Variants in RSL1D1 observed in about 807,000 individuals in gnomAD.
RSL1D1 encodes the protein ribosomal L1 domain containing 1, also known as ribosomal L1 domain-containing protein 1.
RSL1D1 carries 34 observed loss-of-function variants against 44.6 expected under a neutral mutation model. The ratio of observed to expected loss-of-function variants is 0.76; its 90% confidence interval spans 0.58 to 1.02. The LOEUF is 1.02. Among genes scored for constraint, RSL1D1 ranks in the 50% least tolerant of loss-of-function variants. The pLI is 0.00. For synonymous variants in RSL1D1, 271 were observed against 207.4 expected (o/e 1.31, Z -2.63); for missense variants, 767 against 568.1 (o/e 1.35, Z -3.56).
At chr16:11,841,480 T>C (rs1180252032) in intron 7 of RSL1D1, 2 of 454,702 alleles carry the variant, frequency 4.4e-6, no homozygotes, top group African/African-American at 2.0e-5. Context: ...AAATACAAGA[T>C]ATTTCTATCT....
chr16:11,845,579 A>C (rs2053791651), intron 5 of RSL1D1, among the ~76,000 whole-genome samples: 1 of 152,240 alleles, frequency 6.6e-6, no homozygotes, highest in Admixed American at 6.5e-5. Context: ...TTAACTAAAA[A>C]TTCAGCTTCT....
At chr16:11,840,079 A>G in intron 7 of RSL1D1, 94 bp from the exon 8 acceptor site, 1 of 1,525,630 alleles carries the variant, frequency 6.6e-7, no homozygotes, top group Non-Finnish European at 8.7e-7. Flanking sequence ...GATTATCCAT[A>G]AGCCCCTAAA....
rs745559166 is a variant in RSL1D1 at position 11,850,389 on chromosome 16, C to T, written c.135G>A (p.Thr45=). ...QVRKAVDALL[T]HCKSRKNNYG... ...AATTGTTTTTCCTGGACTTGCAATG[C>T]GTCAAGAGAGCGTCCACTGCCTTTC... The change falls in exon 2 of 9, where the codon ACG becomes ACA. Residue 45 remains threonine (T), a synonymous_variant. Transcript: ENST00000571133. 2.1e-5 allele frequency: 33 copies of T among 1,598,094 alleles called. No individual in the cohort carries two copies. The highest frequency in any genetic ancestry group is 9.5e-5 in the African/African-American group (7 of 73,892).
chr16:11,850,832 G>T (rs1362684071), intron 1 of RSL1D1, among the ~76,000 whole-genome samples: 1 of 152,182 alleles, frequency 6.6e-6, no homozygotes, highest in Non-Finnish European at 1.5e-5. Context: ...TGAGATTACA[G>T]GCGCCCGCCA....
At chr16:11,846,217 CCT>C (rs2053796665) in intron 5 of RSL1D1, among the ~76,000 whole-genome samples, 1 of 150,874 alleles carries the variant, frequency 6.6e-6, no homozygotes, top group Non-Finnish European at 1.5e-5. Context: ...TCGGTGAAAC[CCT>C]GTCTCTACTA....
chr16:11,846,190 A>C (rs1043440547), intron 5 of RSL1D1, among the ~76,000 whole-genome samples: 12 of 151,592 alleles, frequency 7.9e-5, no homozygotes, highest in Non-Finnish European at 1.6e-4. Flanking sequence ...CAGGAGATCG[A>C]GATCATCCTG....
intron 3 of RSL1D1, among the ~76,000 whole-genome samples, 175 bp from the exon 4 acceptor site, chr16:11,847,018 A>ACTACATG (rs2053804000): frequency 6.6e-6 from 1 of 152,196 alleles, no homozygotes. Flanking sequence ...TGCTGGGAAC[A>ACTACATG]CTGAGACAAA....
At chr16:11,843,776 C>CTT (rs2053779428) in intron 5 of RSL1D1, among the ~76,000 whole-genome samples, 2 of 135,038 alleles carry the variant, frequency 1.5e-5, no homozygotes, top group Non-Finnish European at 3.0e-5. Flanking sequence ...GAGGCTGAGG[C>CTT]AGAAGAATGG....
At position 11,846,793 on chromosome 16, in the gene RSL1D1, C is replaced by T. The variant is rs766950314; in HGVS notation, c.435G>A (p.Lys145=). 1.0e-4 allele frequency: 166 copies of T among 1,613,060 alleles called. No homozygotes were observed. The highest frequency in any genetic ancestry group is 1.0e-4 in the Non-Finnish European group (123 of 1,179,298). The change falls in exon 4 of 9, where the codon AAG becomes AAA. Residue 145 remains lysine (K), a synonymous_variant. Coordinates refer to ENST00000571133, the MANE Select transcript of RSL1D1 (RefSeq NM_015659.3). ...AATCAAAACTGCTCAGAAGGCGGAG[C>T]TTGGCTTCATAGGATTTATATTCCT... is the stretch of plus-strand genomic sequence containing the variant. ...LKKEYKSYEA[K]LRLLSSFDFF... is the part of the protein sequence containing the mutation.
At chr16:11,843,417 G>A (rs373432617) in intron 5 of RSL1D1, among the ~76,000 whole-genome samples, 2 of 152,004 alleles carry the variant, frequency 1.3e-5, no homozygotes, top group South Asian at 2.1e-4. Context: ...GAGGTTAGGC[G>A]CATTGGGAGG....
intron 5 of RSL1D1, 23 bp from the exon 6 acceptor site, chr16:11,842,023 AC>A: frequency 6.5e-7 from 1 of 1,539,242 alleles, no homozygotes; most frequent in Non-Finnish European, 8.9e-7. Context: ...ATAGTATTAG[AC>A]AAGATTTTAA....
Position 11,850,391 on chromosome 16 carries a change from T to C in RSL1D1, c.133A>G (p.Thr45Ala). Residue 45 changes from threonine (T) to alanine (A), a missense_variant, in exon 2 of 9, where the codon ACG becomes GCG. Transcript: ENST00000571133. ...TTGTTTTTCCTGGACTTGCAATGCG[T>C]CAAGAGAGCGTCCACTGCCTTTCTA... is the stretch of plus-strand genomic sequence containing the variant. ...QVRKAVDALL[T>A]HCKSRKNNYG... The C allele has an allele frequency of 1.3e-6, 2 of 1,598,896 alleles. No individual in the cohort carries two copies. Among genetic ancestry groups the C allele is most frequent in the Non-Finnish European group, 1.7e-6 (2 of 1,176,396 alleles).
intron 8 of RSL1D1, among the ~76,000 whole-genome samples, chr16:11,838,430 T>C (rs938000908): frequency 9.9e-5 from 15 of 152,170 alleles, no homozygotes; most frequent in African/African-American, 3.6e-4. Context: ...CCCAAAGTGC[T>C]AGGATTACAG....
At chr16:11,845,893 CT>C (rs2053794172) in intron 5 of RSL1D1, among the ~76,000 whole-genome samples, 5 of 151,586 alleles carry the variant, frequency 3.3e-5, no homozygotes, top group African/African-American at 1.2e-4. Flanking sequence ...GACTAATGTT[CT>C]TGATTTTTCT....
Position 11,841,963 on chromosome 16 carries a change from G to C in RSL1D1, c.673C>G (p.His225Asp). The C allele has an allele frequency of 2.5e-6, 4 of 1,613,828 alleles. No individual in the cohort carries two copies. Among genetic ancestry groups the C allele is most frequent in the Non-Finnish European group, 3.4e-6 (4 of 1,179,914 alleles). The change falls in exon 6 of 9, where the codon CAC becomes GAC. Residue 225 changes from histidine (H) to aspartate (D), a missense_variant. Physicochemically the swap from His to Asp is moderately conservative, Grantham distance 81. Coordinates refer to ENST00000571133, the MANE Select transcript of RSL1D1 (RefSeq NM_015659.3). ...RIGHVGMQIE[H>D]IIENIVAVTK... is the part of the protein sequence containing the mutation. The stretch of plus-strand genomic sequence containing the variant: ...ACAGCAACAATGTTTTCAATGATGT[G>C]CTCAATTTGCATTCCAACGTGACCA...
Position 11,836,718 on chromosome 16 carries a change from T to A in RSL1D1, c.*1069A>T, listed in dbSNP as rs2053722620. 6.6e-6 allele frequency: 1 copy of A among 152,218 alleles called. No individual in the cohort carries two copies. The highest frequency in any genetic ancestry group is 2.4e-5 in the African/African-American group (1 of 41,460). 9.4% of individuals were successfully genotyped at this position (152,218 alleles called of 1,614,324 possible). A position where few individuals can be genotyped will look rare whatever the true frequency, so the allele number is the denominator to read the frequency against. ...ATGTTAATTTCCCTTCCCATATGGA[T>A]GCTAATCCAGTGACTCATAAGCTTA... On this transcript the variant is annotated 3_prime_UTR_variant, in exon 9 of 9. Transcript: ENST00000571133.
At chr16:11,850,169 T>C (rs1158579817) in intron 2 of RSL1D1, 110 bp downstream of exon 2, 13 of 1,101,418 alleles carry the variant, frequency 1.2e-5, no homozygotes, top group Non-Finnish European at 1.5e-5. Flanking sequence ...TCACGTCAGA[T>C]TTTTATTATA....
At chr16:11,844,249 G>T (rs1488032649) in intron 5 of RSL1D1, among the ~76,000 whole-genome samples, 1 of 152,168 alleles carries the variant, frequency 6.6e-6, no homozygotes, top group African/African-American at 2.4e-5. Context: ...TTCTTTTGCT[G>T]GGGAAAGGTA....
intron 3 of RSL1D1, 52 bp from the exon 4 acceptor site, chr16:11,846,895 A>C: frequency 2.0e-6 from 3 of 1,481,882 alleles, no homozygotes; most frequent in Non-Finnish European, 1.9e-6. Context: ...CTAAACAAGG[A>C]GAAGAAATAC....
Sources: allele counts gnomAD v4.1 joint callset (sites outside exome capture counted in the v4.1 genomes callset), GRCh38; gene constraint gnomAD v4.1.1; transcripts MANE v1.5; gene names NCBI Gene and HGNC (gene_info 2026-07-23, HGNC 2026-07-21).